Variants in LGR6 observed in about 807,000 individuals in gnomAD.
The protein encoded by LGR6 is leucine-rich repeat-containing G protein-coupled receptor 6.
LGR6 carries 45 observed loss-of-function variants against 69.4 expected under a neutral mutation model. The observed-to-expected ratio is 0.65, with a 90% CI of 0.51 to 0.83. The LOEUF is 0.83. Among genes scored for constraint, LGR6 ranks in the 40% least tolerant of loss-of-function variants. The probability of loss-of-function intolerance (pLI) is 0.00; values close to 1 mark genes in which losing one functional copy is unlikely to be tolerated. For synonymous variants in LGR6, 538 were observed against 555.0 expected (o/e 0.97, Z 0.43); for missense variants, 1,108 against 1,246.7 (o/e 0.89, Z 1.68).
intron 3 of LGR6, among the ~76,000 whole-genome samples, chr1:202,235,158 C>T (rs985840711): frequency 1.3e-5 from 2 of 152,170 alleles, no homozygotes; most frequent in African/African-American, 2.4e-5. Flanking sequence ...CCTGGAGTGG[C>T]GCCCCAGGCC....
intron 2 of LGR6, among the ~76,000 whole-genome samples, chr1:202,227,051 C>G (rs996147377): frequency 6.6e-6 from 1 of 152,206 alleles, no homozygotes; most frequent in South Asian, 2.1e-4. Context: ...AAGGACCTTT[C>G]CACGGCAAAT....
rs1654350167 is a variant in LGR6, at chr1:202,318,511, G to A, written c.2208G>A (p.Leu736=). 3.1e-6 allele frequency: 5 copies of A among 1,614,054 alleles called. No homozygotes were observed. The highest frequency in any genetic ancestry group is 4.2e-6 in the Non-Finnish European group (5 of 1,180,008). Residue 736 remains leucine (L), a synonymous_variant, in exon 18 of 18, where the codon CTG becomes CTA. Coordinates refer to ENST00000367278, the MANE Select transcript of LGR6 (RefSeq NM_001017403.2). ...QPAALGFTVA[L]VMMNSFCFLV... is the part of the protein sequence containing the mutation. ...CAGCCCTGGGCTTCACCGTGGCCCTGGTGATGATGAACTCCTTCTGTTTCC... is the reference window on the plus strand; with the variant it reads ...CAGCCCTGGGCTTCACCGTGGCCCTAGTGATGATGAACTCCTTCTGTTTCC...
chr1:202,261,410 A>C (rs1459100588), intron 4 of LGR6, among the ~76,000 whole-genome samples: 1 of 152,108 alleles, frequency 6.6e-6, no homozygotes, highest in Non-Finnish European at 1.5e-5. Context: ...AAAGGACATG[A>C]ACTCATCATT....
rs1473540259 is a variant in LGR6 at position 202,292,835 on chromosome 1, T to C, written c.717-4673T>C. 2.6e-5 allele frequency among the ~76,000 whole-genome samples: 4 copies of C among 152,242 alleles called. No homozygotes were observed. In the East Asian group the frequency reaches 7.7e-4, roughly 29 times the overall value. ...GTGAAACTGAGAGCCAAATCTTACA[T>C]TTTATTTATTTGTAGTTAATTTAAA... On this transcript the variant is annotated intron_variant, in intron 6 of 17. Transcript: ENST00000367278.
Position 202,318,041 on chromosome 1 carries a change from G to T in LGR6, c.1738G>T (p.Gly580Ter), listed in dbSNP as rs567853909. 1.9e-6 allele frequency: 3 copies of T among 1,614,170 alleles called. No individual in the cohort carries two copies. The highest frequency in any genetic ancestry group is 1.7e-5 in the Admixed American group (1 of 60,024). ...CGTGTTGCTCTCCGTGCTCTGCAAT[G>T]GACTGGTGCTGCTGACCGTGTTCGC... ...AIVLLSVLCN[G>*]LVLLTVFAGG... The change falls in exon 18 of 18, where the codon GGA becomes TGA. Residue 580 changes from glycine (G) to a stop codon, truncating the protein, a stop_gained. Transcript: ENST00000367278. LOFTEE classifies it low-confidence loss of function (END_TRUNC).
chr1:202,231,330 A>C (rs1661047744), intron 3 of LGR6, among the ~76,000 whole-genome samples: 1 of 152,186 alleles, frequency 6.6e-6, no homozygotes, highest in Non-Finnish European at 1.5e-5. Flanking sequence ...CACGAAGGGA[A>C]ATGCTGGTCA....
At chr1:202,255,543 C>G (rs372190113) in intron 4 of LGR6, among the ~76,000 whole-genome samples, 21 of 152,328 alleles carry the variant, frequency 1.4e-4, no homozygotes, top group Admixed American at 5.9e-4. Flanking sequence ...TGCCGGCCCC[C>G]CTTAGCTCAG....
At chr1:202,292,978 T>C (rs942669689) in intron 6 of LGR6, among the ~76,000 whole-genome samples, 1 of 152,230 alleles carries the variant, frequency 6.6e-6, no homozygotes, top group Admixed American at 6.5e-5. Flanking sequence ...TTGTGTGATA[T>C]GAGTGACTAA....
chr1:202,270,869 G>GGGAA (rs1665039502), intron 4 of LGR6, among the ~76,000 whole-genome samples: 1 of 152,144 alleles, frequency 6.6e-6, no homozygotes, highest in African/African-American at 2.4e-5. Flanking sequence ...GGGACTTGGA[G>GGGAA]GGAAGGGTCC....
chr1:202,237,173 C>T (rs1372085758), intron 4 of LGR6, among the ~76,000 whole-genome samples: 1 of 152,226 alleles, frequency 6.6e-6, no homozygotes, highest in Non-Finnish European at 1.5e-5. Context: ...CCTGCACTCT[C>T]TCAGCTTCTG....
intron 1 of LGR6, chr1:202,196,979 A>C (rs745490746): frequency 1.9e-6 from 1 of 527,034 alleles, no homozygotes; most frequent in Admixed American, 2.0e-5. Flanking sequence ...GGTCCTCCTG[A>C]CACAGAGTTA....
At chr1:202,277,313 TC>T (rs1665646043) in intron 5 of LGR6, among the ~76,000 whole-genome samples, 1 of 152,158 alleles carries the variant, frequency 6.6e-6, no homozygotes, top group Non-Finnish European at 1.5e-5. Flanking sequence ...GATACCTAGT[TC>T]CATTTGAGAG....
At position 202,231,953 on chromosome 1, in the gene LGR6, G is replaced by A. The variant is rs372880425; in HGVS notation, c.356+3946G>A. ...ACTAAAAATACAAAATTAGCAGGGC[G>A]TGGTGGCGCACACCTGTAATCCCAG... On this transcript the variant is annotated intron_variant, in intron 3 of 17. Transcript: ENST00000367278. Among the ~76,000 whole-genome samples, 195 of 152,228 alleles carry A rather than the reference G, an allele frequency of 1.3e-3. 1 individual carries two copies. In the South Asian group the frequency reaches 0.021, roughly 16 times the overall value.
intron 1 of LGR6, among the ~76,000 whole-genome samples, chr1:202,211,172 T>C (rs941386437): frequency 6.6e-6 from 1 of 152,212 alleles, no homozygotes; most frequent in Non-Finnish European, 1.5e-5. Context: ...AAGTGTTTAT[T>C]GAGCATCTAC....
chr1:202,201,058 G>A (rs1250486355), intron 1 of LGR6, among the ~76,000 whole-genome samples: 1 of 152,226 alleles, frequency 6.6e-6, no homozygotes, highest in Non-Finnish European at 1.5e-5. Context: ...TATGCTCTGT[G>A]TCTTCAATTC....
intron 1 of LGR6, among the ~76,000 whole-genome samples, chr1:202,209,848 C>T (rs957056456): frequency 2.0e-5 from 3 of 152,160 alleles, no homozygotes; most frequent in Admixed American, 6.5e-5. Context: ...CAAGCTTATT[C>T]ATGGAATAAG....
At chr1:202,200,221 T>A (rs1375553444) in intron 1 of LGR6, among the ~76,000 whole-genome samples, 2 of 152,230 alleles carry the variant, frequency 1.3e-5, no homozygotes, top group African/African-American at 2.4e-5. Flanking sequence ...GCCTGCCGCC[T>A]GGTGGGAGAC....
At chr1:202,269,396 C>T (rs1277223011) in intron 4 of LGR6, among the ~76,000 whole-genome samples, 2 of 152,186 alleles carry the variant, frequency 1.3e-5, no homozygotes, top group Non-Finnish European at 2.9e-5. Flanking sequence ...TAGGGGCTCC[C>T]CTTCTCTGAG....
intron 1 of LGR6, among the ~76,000 whole-genome samples, chr1:202,208,599 A>G (rs1469345478): frequency 1.3e-5 from 2 of 151,262 alleles, no homozygotes; most frequent in African/African-American, 2.4e-5. Context: ...CCCATTAACT[A>G]TGTGCAGCCA....
Sources: allele counts gnomAD v4.1 joint callset (sites outside exome capture counted in the v4.1 genomes callset), GRCh38; gene constraint gnomAD v4.1.1; transcripts MANE v1.5; gene names NCBI Gene and HGNC (gene_info 2026-07-23, HGNC 2026-07-21).